ALDH1L1: variants seen among roughly 807,000 people sequenced by gnomAD.
ALDH1L1 encodes cytosolic 10-formyltetrahydrofolate dehydrogenase.
In ALDH1L1, 68 loss-of-function variants were observed where a neutral mutation model predicts 101.1. The ratio of observed to expected loss-of-function variants is 0.67; its 90% CI spans 0.55 to 0.82. ALDH1L1 has a LOEUF of 0.82. ALDH1L1 is among the 40% of genes least tolerant of loss of function. ALDH1L1 has a pLI of 0.00. For missense variants in ALDH1L1, 1,087 were observed against 1,172.7 expected (o/e 0.93, Z 1.07); for synonymous variants, 486 against 470.8 (o/e 1.03, Z -0.42).
At chr3:126,150,574 A>G in intron 7 of ALDH1L1, 43 bp from the exon 8 acceptor site, 2 of 1,529,612 alleles carry the variant, frequency 1.3e-6, no homozygotes, top group Non-Finnish European at 1.8e-6. Flanking sequence ...TCTTTTTTTG[A>G]GACAGAGTCT....
chr3:126,105,990 AC>A lies in ALDH1L1; in HGVS notation c.2454-66del, dbSNP rs2108163422. The A allele has an allele frequency of 2.0e-6, 3 of 1,488,408 alleles. No individual in the cohort carries two copies. In the African/African-American group the frequency reaches 4.2e-5, roughly 21 times the overall value. 92.2% of individuals were successfully genotyped at this position (1,488,408 alleles called of 1,614,324 possible). ...CAGAGGAGAGCCTGGCCCACTCCAC[AC>A]CCCGGCCCACTCCACACCCCAGCTG... On this transcript the variant is annotated intron_variant, in intron 21 of 22. Coordinates refer to ENST00000393434, the MANE Select transcript of ALDH1L1 (RefSeq NM_012190.4).
At chr3:126,113,075 G>T (rs1411839999) in intron 18 of ALDH1L1, among the ~76,000 whole-genome samples, 195 bp from the exon 19 acceptor site, 1 of 152,172 alleles carries the variant, frequency 6.6e-6, no homozygotes, top group Non-Finnish European at 1.5e-5. Flanking sequence ...AAGTGAAGAC[G>T]CTGAGGCCCA....
chr3:126,179,470 A>G (rs2108343629), intron 1 of ALDH1L1, among the ~76,000 whole-genome samples: 1 of 151,954 alleles, frequency 6.6e-6, no homozygotes. Flanking sequence ...ACTGCACTCC[A>G]GCCTGGGCGA....
intron 1 of ALDH1L1, among the ~76,000 whole-genome samples, chr3:126,169,458 G>C (rs2081231078): frequency 6.6e-6 from 1 of 152,162 alleles, no homozygotes; most frequent in African/African-American, 2.4e-5. Flanking sequence ...TGACTGGAAT[G>C]GTGTGCTCTC....
chr3:126,162,333 C>A (rs562234744), intron 1 of ALDH1L1, among the ~76,000 whole-genome samples: 92 of 152,288 alleles, frequency 6.0e-4, no homozygotes, highest in African/African-American at 1.8e-3. Flanking sequence ...GTGCTCTCCA[C>A]TTTGGCTTGT....
At chr3:126,160,702 G>T in intron 2 of ALDH1L1, 151 bp downstream of exon 2, 1 of 1,191,152 alleles carries the variant, frequency 8.4e-7, no homozygotes, top group Non-Finnish European at 1.2e-6. Context: ...TGGCACTGGA[G>T]CAGGATTCAA....
intron 1 of ALDH1L1, among the ~76,000 whole-genome samples, chr3:126,171,793 T>C (rs913418654): frequency 5.9e-5 from 9 of 151,976 alleles, no homozygotes; most frequent in Non-Finnish European, 1.2e-4. Context: ...CTAAAAGGGG[T>C]AGGACTGAGA....
At chr3:126,190,269 C>A (rs890045128) in intron 1 of ALDH1L1, among the ~76,000 whole-genome samples, 2 of 152,120 alleles carry the variant, frequency 1.3e-5, no homozygotes, top group African/African-American at 4.8e-5. Context: ...ATAAATACAC[C>A]ACCTGAAGCT....
At chr3:126,112,208 G>A (rs903766140) in intron 19 of ALDH1L1, among the ~76,000 whole-genome samples, 1 of 152,200 alleles carries the variant, frequency 6.6e-6, no homozygotes, top group Non-Finnish European at 1.5e-5. Context: ...ACACTGTCCT[G>A]TGCCCACCAG....
chr3:126,133,490 T>C (rs2080356656), intron 12 of ALDH1L1, among the ~76,000 whole-genome samples: 2 of 152,238 alleles, frequency 1.3e-5, no homozygotes, highest in Admixed American at 1.3e-4. Flanking sequence ...ATCCCCCACA[T>C]TTCTAGATAA....
intron 1 of ALDH1L1, among the ~76,000 whole-genome samples, chr3:126,186,999 C>A (rs1274635283): frequency 6.6e-6 from 1 of 152,302 alleles, no homozygotes; most frequent in East Asian, 1.9e-4. Flanking sequence ...AAGTTGGAAC[C>A]ATCCAGGAAC....
At chr3:126,148,102 C>A (rs1241428083) in intron 8 of ALDH1L1, among the ~76,000 whole-genome samples, 3 of 152,288 alleles carry the variant, frequency 2.0e-5, no homozygotes, top group East Asian at 3.9e-4. Context: ...CTGGATGGCA[C>A]CTGCTAGCGT....
chr3:126,178,939 G>GA (rs72451047), intron 1 of ALDH1L1, among the ~76,000 whole-genome samples: 3,442 of 147,332 alleles, frequency 0.023, 137 homozygotes, highest in African/African-American at 0.079. Flanking sequence ...GATTACTTCT[G>GA]AAAAAAAAAA....
At chr3:126,191,915 G>T (rs1342521753) in intron 1 of ALDH1L1, among the ~76,000 whole-genome samples, 1 of 152,202 alleles carries the variant, frequency 6.6e-6, no homozygotes, top group Non-Finnish European at 1.5e-5. Context: ...AAATTGCAAG[G>T]TTGTCAAGTC....
intron 1 of ALDH1L1, among the ~76,000 whole-genome samples, chr3:126,195,888 C>T (rs1213017696): frequency 6.6e-6 from 1 of 152,150 alleles, no homozygotes; most frequent in Non-Finnish European, 1.5e-5. Flanking sequence ...CGCACGTTCT[C>T]ACTCATAGGT....
At chr3:126,176,551 A>G (rs77521271) in intron 1 of ALDH1L1, among the ~76,000 whole-genome samples, 108 of 152,316 alleles carry the variant, frequency 7.1e-4, no homozygotes, top group African/African-American at 2.5e-3. Flanking sequence ...CTGAACTTTG[A>G]CAAAGAGACA....
At position 126,144,878 on chromosome 3, in the gene ALDH1L1, CAAAGG is replaced by C. The variant is rs1173363862; in HGVS notation, c.1076+1952_1076+1956del. Among the ~76,000 whole-genome samples the C allele has an allele frequency of 1.1e-4, 16 of 152,148 alleles. 1 individual carries two copies. Among genetic ancestry groups the C allele is most frequent in the African/African-American group, 3.9e-4 (16 of 41,452 alleles). On this transcript the variant is annotated intron_variant, in intron 9 of 22. Coordinates refer to ENST00000393434, the MANE Select transcript of ALDH1L1 (RefSeq NM_012190.4). ...ATCAAAGTAAAAAGCTTCTGCAAAG[CAAAGG>C]AAACAATCAGCATGGAATGCGAGAA... is the stretch of plus-strand genomic sequence containing the variant.
At position 126,160,950 on chromosome 3, in the gene ALDH1L1, C is replaced by G; in HGVS notation, c.30G>C (p.Leu10=). 3 of 1,614,238 alleles carry G rather than the reference C, an allele frequency of 1.9e-6. No homozygotes were observed. Among genetic ancestry groups the G allele is most frequent in the Non-Finnish European group, 2.5e-6 (3 of 1,180,002 alleles). Residue 10 remains leucine, a synonymous_variant, in exon 2 of 23, where the codon CTG becomes CTC. Coordinates refer to ENST00000393434, the MANE Select transcript of ALDH1L1 (RefSeq NM_012190.4). ...GGTGGCAGTAAACTTCCTGGCCAAA[C>G]AGGCTCTGTCCAATCACTGCAATCT... MKIAVIGQS[L]FGQEVYCHLR...
At chr3:126,135,480 C>A in intron 12 of ALDH1L1, 55 bp downstream of exon 12, 1 of 1,575,634 alleles carries the variant, frequency 6.3e-7, no homozygotes, top group South Asian at 1.2e-5. Flanking sequence ...CCCCCCGTGC[C>A]ACTGCCCAGA....
Sources: allele counts gnomAD v4.1 joint callset (sites outside exome capture counted in the v4.1 genomes callset), GRCh38; gene constraint gnomAD v4.1.1; transcripts MANE v1.5; gene names NCBI Gene and HGNC (gene_info 2026-07-23, HGNC 2026-07-21).